The following IL10RB variants were observed in gnomAD, a reference collection of about 807,000 sequenced individuals.
The protein encoded by IL10RB is interleukin 10 receptor subunit beta.
Under a neutral mutation model 38.7 loss-of-function variants are expected in IL10RB, and 30 were observed. That is an observed-to-expected ratio of 0.78 (90% CI 0.58 to 1.05). The LOEUF is 1.05. IL10RB is among the 50% of genes least tolerant of loss of function. IL10RB has a pLI of 0.00. For missense variants in IL10RB, 328 were observed against 397.1 expected, an observed-to-expected ratio of 0.83 and a Z score of 1.48; for synonymous variants, 142 against 145.9, an observed-to-expected ratio of 0.97 and a Z score of 0.19.
intron 5 of IL10RB, among the ~76,000 whole-genome samples, chr21:33,285,868 C>T (rs1425946358): frequency 6.6e-6 from 1 of 152,206 alleles, no homozygotes; most frequent in African/African-American, 2.4e-5. Context: ...GGGGCCGCTC[C>T]AGCCAGCTCA....
rs138126150 is a variant in IL10RB, at chr21:33,303,630, C to G, written c.130-5346C>G. ...TTGGCCTCCCAAAGTGCTGGGATTA[C>G]AGGTGTTTCTGTTACTTTCATTTTT... On this transcript the variant is annotated intron_variant, in intron 1 of 1. Transcript: ENST00000609556. 4.5e-3 allele frequency among the ~76,000 whole-genome samples: 686 copies of G among 152,310 alleles called. 7 individuals are homozygous for G. The highest frequency in any genetic ancestry group is 0.015 in the African/African-American group (638 of 41,566).
chr21:33,267,487 T>G (rs1988980703), intron 1 of IL10RB, among the ~76,000 whole-genome samples: 1 of 149,478 alleles, frequency 6.7e-6, no homozygotes, highest in South Asian at 2.1e-4. Context: ...CTTCCGTTTT[T>G]TTTTTTGTTT....
intron 3 of IL10RB, among the ~76,000 whole-genome samples, chr21:33,277,580 T>C (rs945916165): frequency 6.6e-6 from 1 of 151,534 alleles, no homozygotes; most frequent in African/African-American, 2.4e-5. Flanking sequence ...CTAGGCATGG[T>C]GGCTCACGTC....
chr21:33,304,175 A>T (rs1601841964), intron 1 of IL10RB, among the ~76,000 whole-genome samples: 1 of 152,266 alleles, frequency 6.6e-6, no homozygotes, highest in Non-Finnish European at 1.5e-5. Flanking sequence ...CACGGCGGGG[A>T]CAGCACAGCA....
At chr21:33,303,851 G>C (rs1437362346) in intron 1 of IL10RB, among the ~76,000 whole-genome samples, 9 of 152,212 alleles carry the variant, frequency 5.9e-5, no homozygotes, top group Admixed American at 6.5e-5. Context: ...ACAGGCCAGG[G>C]ATAGGCAGGT....
At chr21:33,282,267 T>A (rs1320169614) in intron 4 of IL10RB, among the ~76,000 whole-genome samples, 1 of 152,116 alleles carries the variant, frequency 6.6e-6, no homozygotes, top group Admixed American at 6.5e-5. Context: ...GTGTGGTGGC[T>A]CACACCTGTA....
chr21:33,271,727 CA>C (rs34794407), intron 2 of IL10RB, among the ~76,000 whole-genome samples: 3,043 of 111,170 alleles, frequency 0.027, 25 homozygotes, highest in Middle Eastern at 0.043. Flanking sequence ...GACTCCATCT[CA>C]AAAAAAAAAA....
chr21:33,275,152 C>CTTTT (rs71320298), intron 2 of IL10RB, among the ~76,000 whole-genome samples: 74 of 102,254 alleles, frequency 7.2e-4, no homozygotes, highest in Non-Finnish European at 9.3e-4. Flanking sequence ...TCCAACTTTT[C>CTTTT]TTTTTTTTTT....
intron 6 of IL10RB, among the ~76,000 whole-genome samples, chr21:33,292,883 C>T (rs1192440182): frequency 2.0e-5 from 3 of 152,212 alleles, no homozygotes; most frequent in Non-Finnish European, 4.4e-5. Context: ...GGCTGCACGG[C>T]CCATACCTTC....
chr21:33,300,962 C>T (rs570170700), downstream of IL10RB, among the ~76,000 whole-genome samples: 2 of 152,296 alleles, frequency 1.3e-5, no homozygotes, highest in South Asian at 2.1e-4. Context: ...TAATCCAGCA[C>T]GGAAAGACTC....
At chr21:33,270,388 T>TC in intron 2 of IL10RB, among the ~76,000 whole-genome samples, 1 of 151,762 alleles carries the variant, frequency 6.6e-6, no homozygotes, top group East Asian at 1.9e-4. Context: ...GTTTTTCTTT[T>TC]TTTTTTTTTT....
intron 2 of IL10RB, among the ~76,000 whole-genome samples, chr21:33,271,301 A>G (rs1211846488): frequency 1.3e-5 from 2 of 152,234 alleles, no homozygotes; most frequent in Non-Finnish European, 2.9e-5. Context: ...CAGGGCGTCC[A>G]GAGCCGGGGG....
chr21:33,290,785 G>T (rs1376330737), intron 6 of IL10RB, among the ~76,000 whole-genome samples: 1 of 152,210 alleles, frequency 6.6e-6, no homozygotes, highest in African/African-American at 2.4e-5. Context: ...CGACCAGGGG[G>T]GTCCCGCCTT....
chr21:33,287,268 G>A (rs1000497015), intron 5 of IL10RB, among the ~76,000 whole-genome samples: 9 of 152,218 alleles, frequency 5.9e-5, no homozygotes, highest in Admixed American at 5.2e-4. Context: ...GGTTTTTCCA[G>A]ACAGGAATTC....
downstream of IL10RB, among the ~76,000 whole-genome samples, chr21:33,301,444 G>A (rs1186902707): frequency 2.0e-5 from 3 of 152,338 alleles, no homozygotes; most frequent in South Asian, 2.1e-4. Flanking sequence ...AAAGATAACC[G>A]GAAGGTTAAA....
chr21:33,290,471 G>A (rs1187605252), intron 6 of IL10RB, among the ~76,000 whole-genome samples: 1 of 152,174 alleles, frequency 6.6e-6, no homozygotes, highest in Non-Finnish European at 1.5e-5. Context: ...TGCTGGCCCT[G>A]CCCTAGACCC....
downstream of IL10RB, among the ~76,000 whole-genome samples, chr21:33,301,676 T>G (rs530029786): frequency 6.6e-6 from 1 of 152,364 alleles, no homozygotes; most frequent in African/African-American, 2.4e-5. Flanking sequence ...CCTTACTTAC[T>G]GCTTCCTATG....
At chr21:33,290,030 C>T (rs1216159271) in intron 6 of IL10RB, among the ~76,000 whole-genome samples, 5 of 152,056 alleles carry the variant, frequency 3.3e-5, no homozygotes, top group Admixed American at 6.5e-5. Context: ...AGGAGAATGG[C>T]GTGAACCCGG....
chr21:33,267,980 G>T, intron 1 of IL10RB: 1 of 323,694 alleles, frequency 3.1e-6, no homozygotes, highest in South Asian at 2.6e-5. Context: ...TGGGACTCGT[G>T]AGTTCCCCAG....
Sources: allele counts gnomAD v4.1 joint callset (sites outside exome capture counted in the v4.1 genomes callset), GRCh38; gene constraint gnomAD v4.1.1; transcripts MANE v1.5; gene names NCBI Gene and HGNC (gene_info 2026-07-23, HGNC 2026-07-21).